The following ARRDC4 variants were observed in gnomAD, a reference collection of about 807,000 sequenced individuals.
ARRDC4 encodes arrestin domain-containing protein 4.
In ARRDC4, 40 loss-of-function variants were observed where a neutral mutation model predicts 44.6. That is an observed-to-expected ratio of 0.90 (90% CI 0.70 to 1.17). ARRDC4 has a LOEUF of 1.17. ARRDC4 is among the 50% of genes most tolerant of loss of function. The probability of loss-of-function intolerance (pLI) is 0.00; values close to 1 mark genes in which losing one functional copy is unlikely to be tolerated. For missense variants in ARRDC4, 550 were observed against 559.1 expected (o/e 0.98, Z 0.16); for synonymous variants, 211 against 221.2 (o/e 0.95, Z 0.41).
rs975425426 is a variant in ARRDC4, at chr15:97,960,752, G to A, written c.-110G>A. The A allele has an allele frequency of 5.0e-6, 5 of 1,006,426 alleles. No homozygotes were observed. In the East Asian group the frequency reaches 1.7e-4, roughly 34 times the overall value. The allele number at this position is 1,006,426 out of a possible 1,614,324, so 62.3% of individuals were successfully genotyped here. On this transcript the variant is annotated 5_prime_UTR_variant, in exon 1 of 8. Coordinates refer to ENST00000268042, the MANE Select transcript of ARRDC4 (RefSeq NM_183376.3). ...CCCCATCGGGTACCGCACGGCTGCC[G>A]CGGCGGCCTTACCCTGCCGCGAGCG...
chr15:97,967,958 T>C lies in ARRDC4; in HGVS notation c.523-56T>C. 8.9e-7 allele frequency: 1 copy of C among 1,120,772 alleles called. No homozygotes were observed. Among genetic ancestry groups the C allele is most frequent in the South Asian group, 1.5e-5 (1 of 64,552 alleles). The allele number at this position is 1,120,772 out of a possible 1,614,324, so 69.4% of individuals were successfully genotyped here. A position where few individuals can be genotyped will look rare whatever the true frequency, so the allele number is the denominator to read the frequency against. On this transcript the variant is annotated intron_variant, in intron 3 of 7. Coordinates refer to ENST00000268042, the MANE Select transcript of ARRDC4 (RefSeq NM_183376.3). This position sits in a 1 kb window ranked among gnomAD's most constrained non-coding sequence, Gnocchi z 5.0. The stretch of plus-strand genomic sequence containing the variant: ...TGAAGATAGATATAATTTTAAGTTC[T>C]ATGAGTTCTCTAGAGTGGCTTAATT...
At chr15:97,964,997 T>TACAC (rs138550311) in intron 1 of ARRDC4, among the ~76,000 whole-genome samples, 285 of 147,918 alleles carry the variant, frequency 1.9e-3, no homozygotes, top group Middle Eastern at 0.01. Context: ...GATTTTTACA[T>TACAC]ACACACACAC....
chr15:97,963,157 A>G (rs925528360), intron 1 of ARRDC4, among the ~76,000 whole-genome samples: 4 of 152,184 alleles, frequency 2.6e-5, no homozygotes, highest in Non-Finnish European at 5.9e-5. Context: ...CCCACGGCTC[A>G]TCAAAACCTT....
intron 1 of ARRDC4, among the ~76,000 whole-genome samples, chr15:97,961,466 G>A (rs1388929009): frequency 6.6e-6 from 1 of 152,200 alleles, no homozygotes; most frequent in African/African-American, 2.4e-5. Flanking sequence ...GGACAATGGG[G>A]GATCCAGAAA....
Position 97,961,149 on chromosome 15 carries a change from C to T in ARRDC4, c.288C>T (p.Ser96=), listed in dbSNP as rs1899309052. ...SEVEYLNVRL[S]LREPPAGEGI... is the part of the protein sequence containing the mutation. ...TGGAGTACCTGAACGTGCGCCTCAG[C>T]CTGCGGGAGCCCCCGGCCGGTAAGC... The change falls in exon 1 of 8, where the codon AGC becomes AGT. Residue 96 remains serine, a synonymous_variant. Coordinates refer to ENST00000268042, the MANE Select transcript of ARRDC4 (RefSeq NM_183376.3). 6.9e-7 allele frequency: 1 copy of T among 1,443,390 alleles called. No individual in the cohort carries two copies. Among genetic ancestry groups the T allele is most frequent in the African/African-American group, 1.5e-5 (1 of 66,810 alleles). The allele number at this position is 1,443,390 out of a possible 1,614,324, so 89.4% of individuals were successfully genotyped here.
rs549333182 is a variant in ARRDC4, at chr15:97,966,029, C to T, written c.509C>T (p.Thr170Ile). 1.9e-6 allele frequency: 3 copies of T among 1,614,088 alleles called. No homozygotes were observed. The highest frequency in any genetic ancestry group is 1.7e-6 in the Non-Finnish European group (2 of 1,180,010). The change falls in exon 3 of 8, where the codon ACA (threonine) becomes ATA (isoleucine). Residue 170 changes from threonine (T) to isoleucine (I), a missense_variant. Transcript: ENST00000268042. The surrounding 1 kb of genome is among the most constrained non-coding windows in gnomAD (Gnocchi z 4.7). ...LQVVSHVDVN[T>I]PALLTPVLKT... Reference sequence around the variant, plus strand: ...GTTGTTAGTCATGTCGATGTCAACACACCAGCATTATTAGTAAGTTCTTCC... The same window carrying T: ...GTTGTTAGTCATGTCGATGTCAACATACCAGCATTATTAGTAAGTTCTTCC...
In ARRDC4 at chr15:97,969,281, G is replaced by T. The variant is rs776062557; in HGVS notation, c.784G>T (p.Gly262Trp). 3 of 1,613,906 alleles carry T rather than the reference G, an allele frequency of 1.9e-6. No individual in the cohort carries two copies. The South Asian group carries it at 3.3e-5, about 18-fold the overall frequency. Residue 262 changes from glycine (G) to tryptophan (W), a missense_variant, in exon 5 of 8, where the codon GGG becomes TGG. Coordinates refer to ENST00000268042, the MANE Select transcript of ARRDC4 (RefSeq NM_183376.3). Reference sequence around the variant, plus strand: ...TGTGCGAGGAAACCACATCGCTTCTGGGAGCACAGACACATGGAATGGGAA... The same window carrying T: ...TGTGCGAGGAAACCACATCGCTTCTTGGAGCACAGACACATGGAATGGGAA... ...ANVRGNHIAS[G>W]STDTWNGKTL...
intron 5 of ARRDC4, 45 bp downstream of exon 5, chr15:97,969,424 T>C: frequency 1.9e-6 from 3 of 1,597,020 alleles, no homozygotes; most frequent in Non-Finnish European, 2.6e-6. Context: ...TGATGGACAA[T>C]AACTGATGTC....
At position 97,966,733 on chromosome 15, in the gene ARRDC4, A is replaced by T. The variant is rs917225520; in HGVS notation, c.522+691A>T. Among the ~76,000 whole-genome samples the T allele has an allele frequency of 6.6e-6, 1 of 152,224 alleles. No homozygotes were observed. Among genetic ancestry groups the T allele is most frequent in the African/African-American group, 2.4e-5 (1 of 41,454 alleles). On this transcript the variant is annotated intron_variant, in intron 3 of 7. Coordinates refer to ENST00000268042, the MANE Select transcript of ARRDC4 (RefSeq NM_183376.3). This position sits in a 1 kb window ranked among gnomAD's most constrained non-coding sequence, Gnocchi z 4.7. Reference sequence around the variant, plus strand: ...TTTTATCTAAACCCATATTATCAAAATAATATAAAATTATACCTTGTACTT... The same window carrying T: ...TTTTATCTAAACCCATATTATCAAATTAATATAAAATTATACCTTGTACTT...
In ARRDC4 at chr15:97,970,506, G is replaced by C; in HGVS notation, c.1046-83G>C. The C allele has an allele frequency of 7.2e-7, 1 of 1,394,672 alleles. No homozygotes were observed. Among genetic ancestry groups the C allele is most frequent in the Non-Finnish European group, 9.8e-7 (1 of 1,016,412 alleles). 86.4% of individuals were successfully genotyped at this position (1,394,672 alleles called of 1,614,324 possible). A position where few individuals can be genotyped will look rare whatever the true frequency, so the allele number is the denominator to read the frequency against. On this transcript the variant is annotated intron_variant, in intron 6 of 7. Transcript: ENST00000268042. The surrounding 1 kb of genome is among the most constrained non-coding windows in gnomAD (Gnocchi z 4.2). ...GCCATATTTTTTATCTTCAAGTTTA[G>C]CTGTTTCTTGTTTTTGTAGCAGTTA...
chr15:97,965,042 A>G lies in ARRDC4; in HGVS notation c.308-558A>G, dbSNP rs1899392984. Among the ~76,000 whole-genome samples the G allele has an allele frequency of 1.3e-5, 2 of 151,856 alleles. No homozygotes were observed. The highest frequency in any genetic ancestry group is 2.9e-5 in the Non-Finnish European group (2 of 67,976). ...CATATACATATCCATATACACATAT[A>G]TATGTATGTTGGAGTTCTGAACCTT... On this transcript the variant is annotated intron_variant, in intron 1 of 7. Coordinates refer to ENST00000268042, the MANE Select transcript of ARRDC4 (RefSeq NM_183376.3). The surrounding 1 kb of genome is among the most constrained non-coding windows in gnomAD (Gnocchi z 5.1).
intron 1 of ARRDC4, among the ~76,000 whole-genome samples, chr15:97,961,459 C>T (rs1175063402): frequency 6.6e-6 from 1 of 152,168 alleles, no homozygotes; most frequent in Non-Finnish European, 1.5e-5. Context: ...TGTGATTGGA[C>T]AATGGGGGAT....
rs1421214183 is a variant in ARRDC4 at position 97,965,602 on chromosome 15, G to A, written c.310G>A (p.Glu104Lys). The change falls in exon 2 of 8, where the codon GAA (glutamate) becomes AAA (lysine). Residue 104 changes from glutamate to lysine, a missense_variant and splice_region_variant. Physicochemically the swap from Glu to Lys is moderately conservative, Grantham distance 56. Transcript: ENST00000268042. This position sits in a 1 kb window ranked among gnomAD's most constrained non-coding sequence, Gnocchi z 5.1. ...AAATAAAATACAATCTCTTATAGGT[G>A]AAGGCATCATTTTATTACAGCCTGG... Reference protein sequence around the residue: ...RLSLREPPAGEGIILLQPGKH... With the variant: ...RLSLREPPAGKGIILLQPGKH... 2 of 1,607,310 alleles carry A rather than the reference G, an allele frequency of 1.2e-6. No homozygotes were observed. The highest frequency in any genetic ancestry group is 4.5e-5 in the East Asian group (2 of 44,828).
Position 97,961,067 on chromosome 15 carries a change from C to T in ARRDC4, c.206C>T (p.Pro69Leu). The T allele has an allele frequency of 3.5e-6, 5 of 1,433,796 alleles. No individual in the cohort carries two copies. Among genetic ancestry groups the T allele is most frequent in the Non-Finnish European group, 4.5e-6 (5 of 1,099,244 alleles). The allele number at this position is 1,433,796 out of a possible 1,614,324, so 88.8% of individuals were successfully genotyped here. Residue 69 changes from proline to leucine, a missense_variant, in exon 1 of 8, where the codon CCG (proline) becomes CTG (leucine). Physicochemically the swap from Pro to Leu is moderately conservative, Grantham distance 98. Coordinates refer to ENST00000268042, the MANE Select transcript of ARRDC4 (RefSeq NM_183376.3). ...AQGRATAAWG[P>L]STCPRASAST... is the part of the protein sequence containing the mutation. Reference sequence around the variant, plus strand: ...GGGCGCGCCACCGCCGCCTGGGGCCCGAGCACCTGCCCCCGCGCCTCGGCC... The same window carrying T: ...GGGCGCGCCACCGCCGCCTGGGGCCTGAGCACCTGCCCCCGCGCCTCGGCC...
chr15:97,970,822 G>C lies in ARRDC4; in HGVS notation c.1200+79G>C. 6.8e-7 allele frequency: 1 copy of C among 1,468,762 alleles called. No individual in the cohort carries two copies. Among genetic ancestry groups the C allele is most frequent in the Non-Finnish European group, 9.3e-7 (1 of 1,072,928 alleles). The allele number at this position is 1,468,762 out of a possible 1,614,324, so 91.0% of individuals were successfully genotyped here. A position where few individuals can be genotyped will look rare whatever the true frequency, so the allele number is the denominator to read the frequency against. On this transcript the variant is annotated intron_variant, in intron 7 of 7. Coordinates refer to ENST00000268042, the MANE Select transcript of ARRDC4 (RefSeq NM_183376.3). This position sits in a 1 kb window ranked among gnomAD's most constrained non-coding sequence, Gnocchi z 4.2. ...TTTTTTGTCATCCGTTCATTAGAGTGTCTGTTGCTGACTCATAATTAGTAA... is the reference window on the plus strand; with the variant it reads ...TTTTTTGTCATCCGTTCATTAGAGTCTCTGTTGCTGACTCATAATTAGTAA...
At position 97,961,092 on chromosome 15, in the gene ARRDC4, C is replaced by A; in HGVS notation, c.231C>A (p.Ala77=). 2 of 1,443,942 alleles carry A rather than the reference C, an allele frequency of 1.4e-6. No homozygotes were observed. The highest frequency in any genetic ancestry group is 1.8e-6 in the Non-Finnish European group (2 of 1,105,160). The allele number at this position is 1,443,942 out of a possible 1,614,324, so 89.4% of individuals were successfully genotyped here. A position where few individuals can be genotyped will look rare whatever the true frequency, so the allele number is the denominator to read the frequency against. Residue 77 remains alanine (A), a synonymous_variant, in exon 1 of 8, where the codon GCC becomes GCA. Coordinates refer to ENST00000268042, the MANE Select transcript of ARRDC4 (RefSeq NM_183376.3). ...WGPSTCPRAS[A]STAALAVFSE... is the part of the protein sequence containing the mutation. ...CGAGCACCTGCCCCCGCGCCTCGGC[C>A]AGCACCGCGGCCCTGGCTGTCTTCT... is the stretch of plus-strand genomic sequence containing the variant.
Position 97,960,733 on chromosome 15 carries a change from CGGGT to C in ARRDC4, c.-128_-125del. ...GCCTCTCGGCGAGCCGGTGCCCCATCGGGTACCGCACGGCTGCCGCGGCGGCCTT... is the reference window on the plus strand; with the variant it reads ...GCCTCTCGGCGAGCCGGTGCCCCATCACCGCACGGCTGCCGCGGCGGCCTT... On this transcript the variant is annotated 5_prime_UTR_variant, in exon 1 of 8. Coordinates refer to ENST00000268042, the MANE Select transcript of ARRDC4 (RefSeq NM_183376.3). The C allele has an allele frequency of 1.2e-6, 1 of 814,402 alleles. No individual in the cohort carries two copies. Among genetic ancestry groups the C allele is most frequent in the Non-Finnish European group, 1.7e-6 (1 of 605,268 alleles). 50.4% of individuals were successfully genotyped at this position (814,402 alleles called of 1,614,324 possible). A position where few individuals can be genotyped will look rare whatever the true frequency, so the allele number is the denominator to read the frequency against.
chr15:97,961,384 G>A (rs974062150), intron 1 of ARRDC4, among the ~76,000 whole-genome samples: 2 of 152,212 alleles, frequency 1.3e-5, no homozygotes, highest in Non-Finnish European at 2.9e-5. Flanking sequence ...GGGCCTGACC[G>A]GGACCAGTGG....
intron 7 of ARRDC4, 97 bp from the exon 8 acceptor site, chr15:97,971,034 C>A: frequency 7.4e-7 from 1 of 1,356,714 alleles, no homozygotes. Context: ...CAGGCTCTGA[C>A]CAGCTTGGCA....
Sources: allele counts gnomAD v4.1 joint callset (sites outside exome capture counted in the v4.1 genomes callset), GRCh38; gene constraint gnomAD v4.1.1; non-coding constraint Gnocchi (gnomAD v3.1); transcripts MANE v1.5; gene names NCBI Gene and HGNC (gene_info 2026-07-23, HGNC 2026-07-21).